PARVB: variants seen among roughly 807,000 people sequenced by gnomAD.
PARVB encodes parvin beta.
In PARVB, 46 loss-of-function variants were observed where a neutral mutation model predicts 47.0. That is an observed-to-expected ratio of 0.98 (90% confidence interval 0.77 to 1.25). The LOEUF is 1.25. PARVB is among the 50% of genes most tolerant of loss of function. PARVB has a pLI of 0.00. For missense variants in PARVB, 473 were observed against 471.6 expected, an observed-to-expected ratio of 1.00 and a Z score of -0.03; for synonymous variants, 196 against 196.3, an observed-to-expected ratio of 1.00 and a Z score of 0.01.
At chr22:44,157,648 G>A (rs1454233570) in intron 10 of PARVB, among the ~76,000 whole-genome samples, 1 of 152,164 alleles carries the variant, frequency 6.6e-6, no homozygotes, top group Non-Finnish European at 1.5e-5. Flanking sequence ...GGAGGCTGAG[G>A]CAAGTAGATC....
At chr22:44,138,563 G>A (rs923692792) in intron 7 of PARVB, among the ~76,000 whole-genome samples, 2 of 152,182 alleles carry the variant, frequency 1.3e-5, no homozygotes, top group Non-Finnish European at 1.5e-5. Flanking sequence ...CGGAACATTT[G>A]AATCATTGGA....
intron 3 of PARVB, among the ~76,000 whole-genome samples, chr22:44,101,607 C>T (rs923584551): frequency 4.6e-5 from 7 of 151,650 alleles, no homozygotes; most frequent in African/African-American, 1.7e-4. Context: ...AAAAATTTGC[C>T]GGGCATGGTG....
At chr22:44,120,178 A>G (rs2053012190) in intron 4 of PARVB, among the ~76,000 whole-genome samples, 1 of 152,188 alleles carries the variant, frequency 6.6e-6, no homozygotes, top group Admixed American at 6.5e-5. Context: ...CCCCAGGTAC[A>G]GGGCCTGGGT....
rs79102247 is a variant in PARVB, at chr22:44,068,407, G to A, written c.113-25521G>A. Among the ~76,000 whole-genome samples the A allele has an allele frequency of 9.5e-3, 1,444 of 152,286 alleles. 23 individuals are homozygous for A. Among genetic ancestry groups the A allele is most frequent in the African/African-American group, 0.033 (1,358 of 41,548 alleles). ...AGAGGGTTCAGGCCGAGGAAAGGGG[G>A]AGCAAGTTGCCGGCCAAGGTAGGTA... On this transcript the variant is annotated intron_variant, in intron 1 of 12. Transcript: ENST00000338758. This position sits in a 1 kb window ranked among gnomAD's most constrained non-coding sequence, Gnocchi z 4.1.
rs1460823720 is a variant in PARVB at position 44,000,212 on chromosome 22, T to C, written c.211+539T>C. Among the ~76,000 whole-genome samples the C allele has an allele frequency of 2.0e-5, 3 of 152,308 alleles. No homozygotes were observed. In the East Asian group the frequency reaches 5.8e-4, roughly 29 times the overall value. ...TTTCTAGGGCTTTCTACCCCCAAGG[T>C]AAAGGCTAGATGATTTTTAACACCA... is the stretch of plus-strand genomic sequence containing the variant. On this transcript the variant is annotated intron_variant, in intron 2 of 13. Transcript: ENST00000406477.
In PARVB at chr22:44,068,279, C is replaced by G. The variant is rs1247741580; in HGVS notation, c.113-25649C>G. 1.3e-5 allele frequency among the ~76,000 whole-genome samples: 2 copies of G among 152,180 alleles called. No individual in the cohort carries two copies. The highest frequency in any genetic ancestry group is 4.8e-5 in the African/African-American group (2 of 41,456). On this transcript the variant is annotated intron_variant, in intron 1 of 12. Coordinates refer to ENST00000338758, the MANE Select transcript of PARVB (RefSeq NM_013327.5). This position sits in a 1 kb window ranked among gnomAD's most constrained non-coding sequence, Gnocchi z 4.1. ...TCCCACAGCAGCACATGAGGCTGGT[C>G]ATTGTTAATAACCCCTTTTTACCGA... is the stretch of plus-strand genomic sequence containing the variant.
Sources: gnomAD v4.1 joint callset for allele counts (sites outside exome capture counted in the v4.1 genomes callset) on GRCh38, gnomAD v4.1.1 for gene constraint, Gnocchi (gnomAD v3.1) non-coding constraint, MANE v1.5 for transcripts, NCBI Gene and HGNC (gene_info 2026-07-23, HGNC 2026-07-21) for gene names.